PCDHA12: variants seen among roughly 807,000 people sequenced by gnomAD.
PCDHA12 encodes protocadherin alpha-12.
In PCDHA12, 44 loss-of-function variants were observed where a neutral mutation model predicts 60.0. The observed-to-expected ratio is 0.73, with a 90% confidence interval of 0.58 to 0.94. The LOEUF (loss-of-function observed/expected upper bound fraction) is 0.94. Among genes scored for constraint, PCDHA12 ranks in the 40% least tolerant of loss-of-function variants. The probability of loss-of-function intolerance (pLI) is 0.00; values close to 1 mark genes in which losing one functional copy is unlikely to be tolerated. For missense variants in PCDHA12, 1,276 were observed against 1,239.7 expected (o/e 1.03, Z -0.44); for synonymous variants, 569 against 553.0 (o/e 1.03, Z -0.40).
rs782449567 is a variant in PCDHA12, at chr5:140,928,010, G to T, written c.2367+50171G>T. 4.3e-6 allele frequency: 7 copies of T among 1,614,168 alleles called. No individual in the cohort carries two copies. In the South Asian group the frequency reaches 6.6e-5, roughly 15 times the overall value. On this transcript the variant is annotated intron_variant, in intron 1 of 3. Coordinates refer to ENST00000398631, the MANE Select transcript of PCDHA12 (RefSeq NM_018903.4). Reference sequence around the variant, plus strand: ...AAGGATGAAGACCTCGATTCTAATGGTAGGGTCATTTGTGGCATGTCTAGT... The same window carrying T: ...AAGGATGAAGACCTCGATTCTAATGTTAGGGTCATTTGTGGCATGTCTAGT...
intron 1 of PCDHA12, among the ~76,000 whole-genome samples, chr5:140,956,002 C>T (rs2095246908): frequency 6.6e-6 from 1 of 152,124 alleles, no homozygotes; most frequent in Admixed American, 6.5e-5. Context: ...GATTTTGTAT[C>T]CTGAGACTTT....
At position 140,875,889 on chromosome 5, in the gene PCDHA12, G is replaced by C; in HGVS notation, c.417G>C (p.Lys139Asn). 6.2e-7 allele frequency: 1 copy of C among 1,614,174 alleles called. No individual in the cohort carries two copies. The highest frequency in any genetic ancestry group is 1.1e-5 in the South Asian group (1 of 91,082). ...CGGTGTTCAGAGAAAGGGAACAAAA[G>C]GTACCTGTTTCTGAATCTGCGCCTC... ...NPPVFREREQ[K>N]VPVSESAPLD... Residue 139 changes from lysine (K) to asparagine (N), a missense_variant, in exon 1 of 4, where the codon AAG becomes AAC. By Grantham distance (94) the Lys-to-Asn change is moderately conservative. Coordinates refer to ENST00000398631, the MANE Select transcript of PCDHA12 (RefSeq NM_018903.4).
intron 1 of PCDHA12, among the ~76,000 whole-genome samples, chr5:140,885,639 A>C (rs782628776): frequency 6.6e-6 from 1 of 152,184 alleles, no homozygotes; most frequent in Non-Finnish European, 1.5e-5. Flanking sequence ...TTGCCTTCCA[A>C]GTATTTTGGA....
rs782328804 is a variant in PCDHA12, at chr5:140,882,548, G to A, written c.2367+4709G>A. The A allele has an allele frequency of 5.3e-5, 86 of 1,614,126 alleles. No homozygotes were observed. The highest frequency in any genetic ancestry group is 4.9e-4 in the East Asian group (22 of 44,902). ...TGTGAATTCTCGGATCGACCGCGAG[G>A]AGCTGTGTGGGCGGAGCGCGGAGTG... On this transcript the variant is annotated intron_variant, in intron 1 of 3. Transcript: ENST00000398631.
In PCDHA12 at chr5:140,876,585, G is replaced by T; in HGVS notation, c.1113G>T (p.Leu371=). ...CTCAGGTGGGTACCGTCATTGCCCT[G>T]ATTAGCGTGTCGGATCGTGACTCTG... The part of the protein sequence containing the change: ...EDAQVGTVIA[L]ISVSDRDSGA... The change falls in exon 1 of 4, where the codon CTG becomes CTT. Residue 371 remains leucine (L), a synonymous_variant. Transcript: ENST00000398631. The T allele has an allele frequency of 3.1e-6, 5 of 1,614,202 alleles. No homozygotes were observed. Among genetic ancestry groups the T allele is most frequent in the Non-Finnish European group, 4.2e-6 (5 of 1,180,042 alleles).
chr5:140,928,675 T>C (rs782241604), intron 1 of PCDHA12: 1 of 1,614,210 alleles, frequency 6.2e-7, no homozygotes, highest in South Asian at 1.1e-5. Flanking sequence ...TTCTAATGCC[T>C]GGCTTTCCTA....
intron 3 of PCDHA12, among the ~76,000 whole-genome samples, chr5:140,992,192 C>T (rs2097497943): frequency 6.6e-6 from 1 of 152,124 alleles, no homozygotes; most frequent in Admixed American, 6.5e-5. Flanking sequence ...TTTCAGTGAT[C>T]TATCCAATCA....
intron 1 of PCDHA12, among the ~76,000 whole-genome samples, chr5:140,950,403 A>C (rs2094477208): frequency 6.6e-6 from 1 of 151,818 alleles, no homozygotes; most frequent in Admixed American, 6.6e-5. Flanking sequence ...ATTCTGGGGG[A>C]TTGACAGATT....
chr5:140,925,106 G>GAA (rs1554202543), intron 1 of PCDHA12, among the ~76,000 whole-genome samples: 1 of 151,098 alleles, frequency 6.6e-6, no homozygotes, highest in African/African-American at 2.4e-5. Flanking sequence ...AGGAAGGAAG[G>GAA]AGGGAAGGAA....
chr5:140,973,606 G>A (rs1554235444), intron 1 of PCDHA12, among the ~76,000 whole-genome samples: 1 of 152,204 alleles, frequency 6.6e-6, no homozygotes, highest in African/African-American at 2.4e-5. Flanking sequence ...TTATGGCTGA[G>A]CTCTTCTCTG....
intron 1 of PCDHA12, among the ~76,000 whole-genome samples, chr5:140,896,268 A>T (rs2065469707): frequency 6.6e-6 from 1 of 152,150 alleles, no homozygotes; most frequent in African/African-American, 2.4e-5. Context: ...CAGTTATGGG[A>T]TTTGCTGGCT....
At chr5:140,968,473 G>A in intron 1 of PCDHA12, 1 of 1,614,098 alleles carries the variant, frequency 6.2e-7, no homozygotes. Flanking sequence ...ACGTATATGT[G>A]GTGGACATGA....
chr5:140,941,402 C>T (rs544909478), intron 1 of PCDHA12, among the ~76,000 whole-genome samples: 12 of 149,674 alleles, frequency 8.0e-5, no homozygotes, highest in African/African-American at 2.5e-4. Flanking sequence ...CTGCAACCTC[C>T]GCCTCCCGGG....
At position 140,894,082 on chromosome 5, in the gene PCDHA12, A is replaced by C. The variant is rs2064311424; in HGVS notation, c.2367+16243A>C. On this transcript the variant is annotated intron_variant, in intron 1 of 3. Transcript: ENST00000398631. ...TTTTTAAATACATTTATTTTATTCC[A>C]GTATCTTCTAGCTCCTGGTGTTGCA... 3.3e-5 allele frequency among the ~76,000 whole-genome samples: 5 copies of C among 152,174 alleles called. No homozygotes were observed. In the South Asian group the frequency reaches 8.3e-4, roughly 25 times the overall value.
intron 1 of PCDHA12, among the ~76,000 whole-genome samples, chr5:140,937,106 C>G (rs2091337574): frequency 6.7e-6 from 1 of 149,110 alleles, no homozygotes; most frequent in African/African-American, 2.5e-5. Context: ...GGCGCAGTCT[C>G]GGCTCACTGC....
rs782051698 is a variant in PCDHA12 at position 140,877,063 on chromosome 5, C to T, written c.1591C>T (p.Leu531=). ...GCTAGACCACGAGGAGCTGGAGCTG[C>T]TGCAGTTCCAGGTGAGCGCGCGCGA... ...QPLDHEELEL[L]QFQVSARDAG... Residue 531 remains leucine (L), a synonymous_variant, in exon 1 of 4, where the codon CTG becomes TTG. Transcript: ENST00000398631. 21 of 1,612,898 alleles carry T rather than the reference C, an allele frequency of 1.3e-5. No homozygotes were observed. Among genetic ancestry groups the T allele is most frequent in the East Asian group, 2.2e-5 (1 of 44,882 alleles).
chr5:140,881,241 T>C, intron 1 of PCDHA12: 1 of 382,456 alleles, frequency 2.6e-6, no homozygotes, highest in Non-Finnish European at 3.6e-6. Context: ...TCAATTTAAA[T>C]GACGGCAAGG....
intron 1 of PCDHA12, among the ~76,000 whole-genome samples, chr5:140,899,127 C>G (rs1487430888): frequency 2.0e-4 from 30 of 152,302 alleles, no homozygotes; most frequent in African/African-American, 7.0e-4. Context: ...ACAATCATGT[C>G]TTCTGCAAAC....
intron 1 of PCDHA12, among the ~76,000 whole-genome samples, chr5:140,892,286 C>A (rs2063458721): frequency 1.3e-5 from 2 of 152,136 alleles, no homozygotes; most frequent in South Asian, 4.1e-4. Flanking sequence ...TTAAACACTT[C>A]TTCCTGGAAA....
Sources: gnomAD v4.1 joint callset for allele counts (sites outside exome capture counted in the v4.1 genomes callset) on GRCh38, gnomAD v4.1.1 for gene constraint, MANE v1.5 for transcripts, NCBI Gene and HGNC (gene_info 2026-07-23, HGNC 2026-07-21) for gene names.